ADGRV1: variants seen among roughly 807,000 people sequenced by gnomAD.
ADGRV1 encodes the protein adhesion G protein-coupled receptor V1, also known as G-protein coupled receptor 98.
Under a neutral mutation model 596.2 loss-of-function variants are expected in ADGRV1, and 359 were observed. The ratio of observed to expected loss-of-function variants is 0.60; its 90% CI spans 0.55 to 0.66. The LOEUF is 0.66. ADGRV1 is among the 30% of genes least tolerant of loss of function. The probability of loss-of-function intolerance (pLI) is 0.00; values close to 1 mark genes in which losing one functional copy is unlikely to be tolerated. For synonymous variants in ADGRV1, 2,681 were observed against 2,679.2 expected, an observed-to-expected ratio of 1.00 and a Z score of -0.02; for missense variants, 7,274 against 7,575.6, an observed-to-expected ratio of 0.96 and a Z score of 1.48.
intron 5 of ADGRV1, among the ~76,000 whole-genome samples, chr5:90,624,177 G>T (rs1764448532): frequency 6.6e-6 from 1 of 152,134 alleles, no homozygotes; most frequent in Admixed American, 6.5e-5. Flanking sequence ...AATAGCAGAA[G>T]ACAATAATGC....
chr5:91,120,687 G>C (rs1438301057), intron 87 of ADGRV1, among the ~76,000 whole-genome samples: 1 of 152,136 alleles, frequency 6.6e-6, no homozygotes, highest in East Asian at 1.9e-4. Flanking sequence ...AGGAGGGAGA[G>C]TCTGGACATT....
At chr5:91,008,702 C>T (rs551388381) in intron 85 of ADGRV1, among the ~76,000 whole-genome samples, 2 of 151,982 alleles carry the variant, frequency 1.3e-5, no homozygotes, top group East Asian at 3.9e-4. Context: ...GGGGGTCTAA[C>T]CATGTTGAGG....
At chr5:90,638,168 T>C (rs1256207503) in intron 11 of ADGRV1, among the ~76,000 whole-genome samples, 1 of 152,032 alleles carries the variant, frequency 6.6e-6, no homozygotes, top group Non-Finnish European at 1.5e-5. Flanking sequence ...CTGCTTTTCA[T>C]TGTGAAGAAG....
intron 89 of ADGRV1, among the ~76,000 whole-genome samples, chr5:91,157,064 A>G (rs944641006): frequency 4.6e-5 from 7 of 152,172 alleles, no homozygotes; most frequent in African/African-American, 1.2e-4. Flanking sequence ...GAGCTCTTCC[A>G]CTGTCTAGTG....
At chr5:90,770,731 A>T (rs1757602769) in intron 59 of ADGRV1, among the ~76,000 whole-genome samples, 1 of 152,210 alleles carries the variant, frequency 6.6e-6, no homozygotes, top group Non-Finnish European at 1.5e-5. Context: ...AAAAAACCTC[A>T]GTCAGTACAG....
chr5:91,150,365 T>G, intron 88 of ADGRV1, 144 bp downstream of exon 88: 2 of 600,938 alleles, frequency 3.3e-6, no homozygotes, highest in Non-Finnish European at 5.2e-6. Context: ...ACTAGGTGAC[T>G]TTTAAATCAA....
intron 77 of ADGRV1, among the ~76,000 whole-genome samples, chr5:90,836,906 G>C (rs1368644207): frequency 6.6e-6 from 1 of 152,172 alleles, no homozygotes; most frequent in African/African-American, 2.4e-5. Flanking sequence ...CATATTACTA[G>C]AAGACAGAGA....
intron 83 of ADGRV1, among the ~76,000 whole-genome samples, chr5:90,947,455 TTC>T (rs1776677163): frequency 6.6e-6 from 1 of 152,172 alleles, no homozygotes; most frequent in Non-Finnish European, 1.5e-5. Flanking sequence ...GATCCCATTT[TTC>T]AATTTTTGCT....
At position 90,745,786 on chromosome 5, in the gene ADGRV1, A is replaced by T. The variant is rs749337175; in HGVS notation, c.10965A>T (p.Ala3655=). The stretch of plus-strand genomic sequence containing the variant: ...ATGATGATGCCTATGGAATTGTTGC[A>T]TTTGCTCAGGTAATGATACTGAAGA... ...LSNDDAYGIV[A]FAQNSLYKQV... Residue 3655 remains alanine, a synonymous_variant, in exon 52 of 90, where the codon GCA becomes GCT. Coordinates refer to ENST00000405460, the MANE Select transcript of ADGRV1 (RefSeq NM_032119.4). 25 of 1,594,426 alleles carry T rather than the reference A, an allele frequency of 1.6e-5. No individual in the cohort carries two copies. Among genetic ancestry groups the T allele is most frequent in the Non-Finnish European group, 2.0e-5 (23 of 1,163,794 alleles).
chr5:90,700,269 T>G (rs1747742173), intron 34 of ADGRV1, among the ~76,000 whole-genome samples: 1 of 152,210 alleles, frequency 6.6e-6, no homozygotes, highest in African/African-American at 2.4e-5. Flanking sequence ...GTGTTAACGT[T>G]GCTTTTAGCC....
At chr5:90,909,504 C>T (rs145207589) in intron 83 of ADGRV1, among the ~76,000 whole-genome samples, 103 of 152,164 alleles carry the variant, frequency 6.8e-4, no homozygotes, top group South Asian at 2.1e-3. Context: ...ATATTCCCAA[C>T]CAGACAAATT....
At chr5:91,126,540 G>C (rs982941807) in intron 87 of ADGRV1, among the ~76,000 whole-genome samples, 2 of 152,190 alleles carry the variant, frequency 1.3e-5, no homozygotes, top group Non-Finnish European at 2.9e-5. Flanking sequence ...CAGCCCCCCA[G>C]AGCAGTCTGG....
At chr5:90,759,378 C>G (rs1561672285) in intron 57 of ADGRV1, 31 bp from the exon 58 acceptor site, 1 of 1,430,788 alleles carries the variant, frequency 7.0e-7, no homozygotes. Flanking sequence ...TTTCCTCCCT[C>G]TCTTTCTCCC....
Position 90,783,874 on chromosome 5 carries a change from A to C in ADGRV1, c.13470A>C (p.Gly4490=). ...AGCCCATTGAAATTCTACTCACTGG[A>C]GCTACTGGAGGAGCGGTCCTTGGGC... is the stretch of plus-strand genomic sequence containing the variant. The part of the protein sequence containing the change: ...FEEPIEILLT[G]ATGGAVLGRH... The change falls in exon 67 of 90, where the codon GGA becomes GGC. Residue 4490 remains glycine, a synonymous_variant. Transcript: ENST00000405460. The C allele has an allele frequency of 1.2e-6, 2 of 1,610,980 alleles. No individual in the cohort carries two copies. Among genetic ancestry groups the C allele is most frequent in the South Asian group, 2.2e-5 (2 of 90,196 alleles).
intron 59 of ADGRV1, among the ~76,000 whole-genome samples, chr5:90,773,532 C>T (rs1757912350): frequency 6.6e-6 from 1 of 152,080 alleles, no homozygotes; most frequent in African/African-American, 2.4e-5. Flanking sequence ...GGAATAGATT[C>T]AGCAAGAAAC....
At chr5:90,836,593 GA>G (rs1323604178) in intron 77 of ADGRV1, among the ~76,000 whole-genome samples, 1 of 152,146 alleles carries the variant, frequency 6.6e-6, no homozygotes, top group East Asian at 1.9e-4. Flanking sequence ...GGGGTGACAC[GA>G]GTGTAGCTGT....
intron 83 of ADGRV1, among the ~76,000 whole-genome samples, chr5:90,878,821 T>C (rs1163233289): frequency 6.6e-6 from 1 of 152,122 alleles, no homozygotes; most frequent in Non-Finnish European, 1.5e-5. Context: ...TGTCACACAT[T>C]ATTTGTTGTT....
At chr5:90,680,287 C>G (rs1027083089) in intron 26 of ADGRV1, among the ~76,000 whole-genome samples, 4 of 150,360 alleles carry the variant, frequency 2.7e-5, no homozygotes, top group Non-Finnish European at 5.9e-5. Context: ...ACCCAGGAGG[C>G]GGAGGTTGAG....
chr5:90,756,998 C>T lies in ADGRV1; in HGVS notation c.11777C>T (p.Thr3926Ile), dbSNP rs1301368420. 1.2e-6 allele frequency: 2 copies of T among 1,605,152 alleles called. No homozygotes were observed. Among genetic ancestry groups the T allele is most frequent in the Admixed American group, 1.7e-5 (1 of 58,584 alleles). ...TTAAAGGGCGCTGGGGAAGTTATTA[C>T]TGCCTATGAGGTGCCTCCACCCTTG... ...HVTRGAGEVI[T>I]AYEVPPPLNV... The change falls in exon 57 of 90, where the codon ACT becomes ATT. Residue 3926 changes from threonine to isoleucine, a missense_variant. Physicochemically the swap from Thr to Ile is moderately conservative, Grantham distance 89 (BLOSUM62 -1). This residue lies in a region of ADGRV1 where 3,643 missense variants were observed against 3,809.2 expected (regional missense o/e 0.96). Coordinates refer to ENST00000405460, the MANE Select transcript of ADGRV1 (RefSeq NM_032119.4).
Sources: gnomAD v4.1 joint callset for allele counts (sites outside exome capture counted in the v4.1 genomes callset) on GRCh38, gnomAD v4.1.1 for gene constraint, gnomAD v4.1.1 regional missense constraint, MANE v1.5 for transcripts, NCBI Gene and HGNC (gene_info 2026-07-23, HGNC 2026-07-21) for gene names.